EPB41L4A: variants seen among roughly 807,000 people sequenced by gnomAD.
The protein encoded by EPB41L4A is band 4.1-like protein 4A.
In EPB41L4A, 100 loss-of-function variants were observed where a neutral mutation model predicts 108.6. The observed-to-expected ratio is 0.92, with a 90% CI of 0.78 to 1.09. EPB41L4A has a LOEUF of 1.09. EPB41L4A is among the 50% of genes least tolerant of loss of function. The pLI is 0.00. For missense variants in EPB41L4A, 1,030 were observed against 842.7 expected, an observed-to-expected ratio of 1.22 and a Z score of -2.75; for synonymous variants, 319 against 289.0, an observed-to-expected ratio of 1.10 and a Z score of -1.05.
intron 1 of EPB41L4A, among the ~76,000 whole-genome samples, chr5:112,413,105 A>G (rs1339823306): frequency 1.3e-5 from 2 of 152,224 alleles, no homozygotes. Context: ...AAAGTCACTA[A>G]AGTATGAGGA....
At chr5:112,361,468 T>C (rs556117355) in intron 1 of EPB41L4A, among the ~76,000 whole-genome samples, 90 of 150,172 alleles carry the variant, frequency 6.0e-4, no homozygotes, top group African/African-American at 2.1e-3. Flanking sequence ...TATTGTCCTA[T>C]GACCCTGCCA....
chr5:112,211,718 C>A (rs1762754689), intron 12 of EPB41L4A, among the ~76,000 whole-genome samples: 1 of 152,122 alleles, frequency 6.6e-6, no homozygotes, highest in South Asian at 2.1e-4. Context: ...TCCTCCAGAG[C>A]AGTTGGGAAG....
intron 1 of EPB41L4A, among the ~76,000 whole-genome samples, chr5:112,377,302 C>A (rs1224639652): frequency 6.6e-6 from 1 of 151,638 alleles, no homozygotes; most frequent in Non-Finnish European, 1.5e-5. Context: ...CAATATCCTA[C>A]TTGTGATAGT....
chr5:112,321,883 C>T (rs1755805260), intron 1 of EPB41L4A, among the ~76,000 whole-genome samples: 1 of 152,158 alleles, frequency 6.6e-6, no homozygotes, highest in African/African-American at 2.4e-5. Flanking sequence ...CTGTTTATAA[C>T]TCAGCCTCCC....
intron 18 of EPB41L4A, among the ~76,000 whole-genome samples, chr5:112,178,660 C>T (rs924311842): frequency 6.6e-6 from 1 of 150,644 alleles, no homozygotes; most frequent in African/African-American, 2.4e-5. Flanking sequence ...GGAAATTAAA[C>T]ACACAACTAA....
At chr5:112,314,399 G>A (rs1191758444) in intron 1 of EPB41L4A, among the ~76,000 whole-genome samples, 2 of 150,858 alleles carry the variant, frequency 1.3e-5, no homozygotes, top group Non-Finnish European at 2.9e-5. Flanking sequence ...CGGGCATGGT[G>A]GCTCATGCCT....
At chr5:112,281,661 C>A (rs1752976389) in intron 2 of EPB41L4A, among the ~76,000 whole-genome samples, 1 of 152,242 alleles carries the variant, frequency 6.6e-6, no homozygotes, top group Non-Finnish European at 1.5e-5. Flanking sequence ...ATCCAGCACT[C>A]ATGCGCTGGC....
intron 2 of EPB41L4A, among the ~76,000 whole-genome samples, chr5:112,288,836 T>A (rs1324648695): frequency 6.6e-6 from 1 of 152,034 alleles, no homozygotes; most frequent in African/African-American, 2.4e-5. Context: ...TATATCTTTT[T>A]TTTTTTTTTA....
At position 112,375,101 on chromosome 5, in the gene EPB41L4A, G is replaced by T. The variant is rs149556558; in HGVS notation, c.99+43840C>A. On this transcript the variant is annotated intron_variant, in intron 1 of 22. Coordinates refer to ENST00000261486, the MANE Select transcript of EPB41L4A (RefSeq NM_022140.5). ...GTGCAGGAAGAAACCATTCTGTTTTGTCGTTGCTACTTTTAGCTCCACTGG... is the reference window on the plus strand; with the variant it reads ...GTGCAGGAAGAAACCATTCTGTTTTTTCGTTGCTACTTTTAGCTCCACTGG... Among the ~76,000 whole-genome samples, 16 of 152,262 alleles carry T rather than the reference G, an allele frequency of 1.1e-4. No individual in the cohort carries two copies. In the East Asian group the frequency reaches 3.1e-3, roughly 29 times the overall value.
chr5:112,184,801 G>A (rs965365212), intron 17 of EPB41L4A, among the ~76,000 whole-genome samples: 1 of 152,170 alleles, frequency 6.6e-6, no homozygotes, highest in African/African-American at 2.4e-5. Flanking sequence ...ACAGGCACTT[G>A]ACATGTAAGA....
At chr5:112,409,793 T>C (rs1357281370) in intron 1 of EPB41L4A, among the ~76,000 whole-genome samples, 1 of 152,096 alleles carries the variant, frequency 6.6e-6, no homozygotes, top group Non-Finnish European at 1.5e-5. Flanking sequence ...GTTTCATGTA[T>C]AGCATCCCAT....
At chr5:112,309,545 T>A (rs1330859712) in intron 1 of EPB41L4A, among the ~76,000 whole-genome samples, 1 of 152,172 alleles carries the variant, frequency 6.6e-6, no homozygotes, top group East Asian at 1.9e-4. Context: ...TTTACACTTT[T>A]GATGTGGGTC....
intron 2 of EPB41L4A, among the ~76,000 whole-genome samples, chr5:112,281,758 T>C (rs1364149968): frequency 6.6e-6 from 1 of 152,256 alleles, no homozygotes; most frequent in Non-Finnish European, 1.5e-5. Context: ...ATGGCAATTA[T>C]AATGCTTTAT....
intron 4 of EPB41L4A, among the ~76,000 whole-genome samples, chr5:112,271,420 C>A (rs912574490): frequency 1.3e-5 from 2 of 152,188 alleles, no homozygotes; most frequent in Non-Finnish European, 2.9e-5. Context: ...TGCAAGTACA[C>A]TCTTACATAT....
chr5:112,145,937 G>A (rs1759237369), exon 13 of EPB41L4A: 2 of 456,604 alleles, frequency 4.4e-6, no homozygotes, highest in South Asian at 3.1e-5. Context: ...CTTCTGAAGT[G>A]CCTTGTTCAA....
chr5:112,307,748 A>G (rs566779812), intron 1 of EPB41L4A, among the ~76,000 whole-genome samples: 1 of 152,254 alleles, frequency 6.6e-6, no homozygotes, highest in South Asian at 2.1e-4. Flanking sequence ...TTCTTCTGGG[A>G]TTATAAATTA....
intron 9 of EPB41L4A, among the ~76,000 whole-genome samples, chr5:112,256,280 T>A (rs1751083663): frequency 6.6e-6 from 1 of 152,164 alleles, no homozygotes; most frequent in South Asian, 2.1e-4. Flanking sequence ...AAAACAGTAG[T>A]GATATTTTCA....
At chr5:112,230,691 G>A (rs916596745) in intron 12 of EPB41L4A, among the ~76,000 whole-genome samples, 5 of 152,120 alleles carry the variant, frequency 3.3e-5, no homozygotes, top group Non-Finnish European at 5.9e-5. Context: ...TGTTTACTCT[G>A]ATCATTTCCT....
intron 9 of EPB41L4A, among the ~76,000 whole-genome samples, chr5:112,247,733 C>CA (rs1750354053): frequency 6.6e-6 from 1 of 151,988 alleles, no homozygotes; most frequent in African/African-American, 2.4e-5. Flanking sequence ...ATGAGTCTTC[C>CA]AAAAGTCTTG....
Sources: gnomAD v4.1 joint callset for allele counts (sites outside exome capture counted in the v4.1 genomes callset) on GRCh38, gnomAD v4.1.1 for gene constraint, MANE v1.5 for transcripts, NCBI Gene and HGNC (gene_info 2026-07-23, HGNC 2026-07-21) for gene names.